AP2B1: variants seen among roughly 807,000 people sequenced by gnomAD.
AP2B1 encodes the protein adaptor related protein complex 2 subunit beta 1.
In AP2B1, 23 loss-of-function variants were observed where a neutral mutation model predicts 102.0. That is an observed-to-expected ratio of 0.23 (90% CI 0.16 to 0.32). The LOEUF (loss-of-function observed/expected upper bound fraction) is 0.32. Ranked by LOEUF, AP2B1 falls within the 10% of genes least tolerant of loss-of-function variation. The probability of loss-of-function intolerance (pLI) is 1.00; values close to 1 mark genes in which losing one functional copy is unlikely to be tolerated. For missense variants in AP2B1, 541 were observed against 1,157.4 expected (o/e 0.47, Z 7.73); for synonymous variants, 381 against 421.2 (o/e 0.90, Z 1.17).
intron 18 of AP2B1, among the ~76,000 whole-genome samples, chr17:35,693,357 A>G (rs1217535104): frequency 1.3e-5 from 2 of 152,166 alleles, no homozygotes; most frequent in African/African-American, 2.4e-5. Context: ...TTTAGGTTCT[A>G]TCTGTAGATC....
intron 18 of AP2B1, among the ~76,000 whole-genome samples, chr17:35,690,523 T>A (rs587631609): frequency 7.2e-5 from 11 of 152,314 alleles, no homozygotes; most frequent in African/African-American, 2.4e-4. Context: ...AAAGAATCAA[T>A]CTTCAGTTTT....
intron 3 of AP2B1, among the ~76,000 whole-genome samples, chr17:35,598,952 T>C (rs2073384204): frequency 6.6e-6 from 1 of 152,228 alleles, no homozygotes. Flanking sequence ...TTTACAGTGA[T>C]GGTGCAAAGC....
chr17:35,664,473 GA>G, intron 14 of AP2B1, among the ~76,000 whole-genome samples: 1 of 152,204 alleles, frequency 6.6e-6, no homozygotes, highest in Middle Eastern at 3.4e-3. Flanking sequence ...TGTCAATGTT[GA>G]TGCAGATATT....
At chr17:35,608,419 G>A (rs2073756894) in intron 5 of AP2B1, 32 bp downstream of exon 5, 1 of 1,611,560 alleles carries the variant, frequency 6.2e-7, no homozygotes, top group Non-Finnish European at 8.5e-7. Context: ...AAAGAGAGCA[G>A]TATTTAAAAT....
intron 11 of AP2B1, 83 bp downstream of exon 11, chr17:35,639,843 T>C: frequency 8.2e-7 from 1 of 1,213,008 alleles, no homozygotes; most frequent in Non-Finnish European, 1.2e-6. Context: ...ATAGGCAGTT[T>C]CTTCTGTGTC....
intron 18 of AP2B1, among the ~76,000 whole-genome samples, chr17:35,691,888 TTATTTAATCTCATC>T (rs2076049479): frequency 1.3e-5 from 2 of 152,264 alleles, no homozygotes; most frequent in Non-Finnish European, 2.9e-5. Context: ...TATAAACATA[TTATTTAATCTCATC>T]TGAGAAATTC....
Position 35,591,004 on chromosome 17 carries a change from G to A in AP2B1, c.-23-3004G>A, listed in dbSNP as rs372758450. The stretch of plus-strand genomic sequence containing the variant: ...AGCCTGGCTAACAAGGAAAAACCCT[G>A]TCTCTACTAAAATACAAAAATTAGC... On this transcript the variant is annotated intron_variant, in intron 1 of 21. Coordinates refer to ENST00000610402, the MANE Select transcript of AP2B1 (RefSeq NM_001030006.2). Among the ~76,000 whole-genome samples, 14 of 151,912 alleles carry A rather than the reference G, an allele frequency of 9.2e-5. 2 individuals carry two copies. The highest frequency in any genetic ancestry group is 2.1e-4 in the South Asian group (1 of 4,806).
chr17:35,611,224 A>G (rs1035063819), intron 5 of AP2B1, among the ~76,000 whole-genome samples: 1 of 152,174 alleles, frequency 6.6e-6, no homozygotes, highest in African/African-American at 2.4e-5. Flanking sequence ...GACAGATGAG[A>G]TGAAAAGTGT....
intron 2 of AP2B1, chr17:35,596,783 T>C (rs1283314368): frequency 1.7e-5 from 10 of 592,056 alleles, no homozygotes; most frequent in Non-Finnish European, 2.5e-5. Flanking sequence ...CTGCGCCCCC[T>C]AGCGTCAGCT....
chr17:35,666,894 A>G (rs1289242398), intron 14 of AP2B1, among the ~76,000 whole-genome samples: 1 of 152,178 alleles, frequency 6.6e-6, no homozygotes, highest in Admixed American at 6.5e-5. Flanking sequence ...CCAGCACTTC[A>G]TGAGGCTGAG....
rs186092097 is a variant in AP2B1, at chr17:35,623,507, T to A, written c.526-890T>A. 7.6e-4 allele frequency among the ~76,000 whole-genome samples: 116 copies of A among 152,330 alleles called. 2 individuals carry two copies. The East Asian group carries it at 0.016, about 21-fold the overall frequency. ...TGAACCCAGTAGATGAAGGTTACAG[T>A]GAGCCAAGATGTGTGCCTACTCAGA... On this transcript the variant is annotated intron_variant, in intron 5 of 21. Coordinates refer to ENST00000610402, the MANE Select transcript of AP2B1 (RefSeq NM_001030006.2).
intron 9 of AP2B1, among the ~76,000 whole-genome samples, chr17:35,633,184 AC>A (rs1464808332): frequency 6.6e-6 from 1 of 151,858 alleles, no homozygotes; most frequent in Non-Finnish European, 1.5e-5. Flanking sequence ...ACATGGTGAA[AC>A]CCTGTCTGTA....
intron 17 of AP2B1, among the ~76,000 whole-genome samples, chr17:35,678,872 G>T (rs1166646851): frequency 6.6e-6 from 1 of 151,728 alleles, no homozygotes; most frequent in Non-Finnish European, 1.5e-5. Context: ...TTTTCCTGTT[G>T]TCTTGCCCTC....
chr17:35,600,599 A>G (rs1413970960), intron 3 of AP2B1, among the ~76,000 whole-genome samples: 1 of 152,222 alleles, frequency 6.6e-6, no homozygotes, highest in African/African-American at 2.4e-5. Flanking sequence ...TTTTATTTCA[A>G]GTAGATATTA....
chr17:35,647,016 T>C (rs2142787983), intron 12 of AP2B1, among the ~76,000 whole-genome samples: 1 of 152,352 alleles, frequency 6.6e-6, no homozygotes, highest in African/African-American at 2.4e-5. Context: ...TATTAAACTA[T>C]GTATTATAAA....
intron 5 of AP2B1, among the ~76,000 whole-genome samples, chr17:35,611,487 G>A (rs62079728): frequency 0.055 from 8,363 of 152,126 alleles, 370 homozygotes; most frequent in East Asian, 0.14. Flanking sequence ...GTGTGCGCGC[G>A]CGCACGTGCG....
intron 12 of AP2B1, among the ~76,000 whole-genome samples, chr17:35,646,840 T>G (rs2074947984): frequency 6.6e-6 from 1 of 152,094 alleles, no homozygotes; most frequent in Non-Finnish European, 1.5e-5. Flanking sequence ...CAGCCTACCT[T>G]GGCCTCCTGA....
chr17:35,626,409 C>A (rs2074317393), intron 6 of AP2B1, among the ~76,000 whole-genome samples: 1 of 151,944 alleles, frequency 6.6e-6, no homozygotes, highest in Non-Finnish European at 1.5e-5. Context: ...TTCCTGAAGT[C>A]TTCTTATGTC....
chr17:35,690,290 A>G (rs2076015605), intron 18 of AP2B1, among the ~76,000 whole-genome samples: 1 of 152,026 alleles, frequency 6.6e-6, no homozygotes, highest in African/African-American at 2.4e-5. Context: ...TTTCCATTTG[A>G]TTTTTTGCTG....
Sources: gnomAD v4.1 joint callset for allele counts (sites outside exome capture counted in the v4.1 genomes callset) on GRCh38, gnomAD v4.1.1 for gene constraint, MANE v1.5 for transcripts, NCBI Gene and HGNC (gene_info 2026-07-23, HGNC 2026-07-21) for gene names.